Variants in NCOA7 observed in about 807,000 individuals in gnomAD.
NCOA7 encodes the protein nuclear receptor coactivator 7, also known as 140 kDa estrogen receptor-associated protein.
In NCOA7, 45 loss-of-function variants were observed where a neutral mutation model predicts 104.3. The observed-to-expected ratio is 0.43, with a 90% CI of 0.34 to 0.55. The LOEUF is 0.55. NCOA7 is among the 20% of genes least tolerant of loss of function. The pLI is 0.02. For synonymous variants in NCOA7, 398 were observed against 402.3 expected (o/e 0.99, Z 0.13); for missense variants, 1,041 against 1,119.7 (o/e 0.93, Z 1.00).
chr6:125,875,284 C>A (rs1184134352), intron 4 of NCOA7: 5 of 230,224 alleles, frequency 2.2e-5, no homozygotes, highest in African/African-American at 1.1e-4. Context: ...CCATGTGCAT[C>A]CCTCTGGAGC....
intron 2 of NCOA7, among the ~76,000 whole-genome samples, chr6:125,843,968 T>G (rs1270331494): frequency 1.3e-5 from 2 of 152,210 alleles, no homozygotes; most frequent in Non-Finnish European, 2.9e-5. Context: ...TGGGGGATGC[T>G]TATAAGGTTT....
rs1260974005 is a variant in NCOA7, at chr6:125,931,832, C to T, written c.*3061C>T. ...TGATTAGAACATGGGGGCGGTTTCC[C>T]CCATGCTGTTCTCATGATAGTGAGG... On this transcript the variant is annotated 3_prime_UTR_variant, in exon 16 of 16. Coordinates refer to ENST00000392477, the MANE Select transcript of NCOA7 (RefSeq NM_181782.5). 6.6e-6 allele frequency: 1 copy of T among 152,058 alleles called. No homozygotes were observed. The highest frequency in any genetic ancestry group is 1.5e-5 in the Non-Finnish European group (1 of 68,028). 9.4% of individuals were successfully genotyped at this position (152,058 alleles called of 1,614,324 possible). A position where few individuals can be genotyped will look rare whatever the true frequency, so the allele number is the denominator to read the frequency against.
chr6:125,844,192 T>C (rs996052374), intron 2 of NCOA7, among the ~76,000 whole-genome samples: 2 of 152,354 alleles, frequency 1.3e-5, no homozygotes, highest in East Asian at 3.9e-4. Context: ...GGTTGTTCTT[T>C]GAGGCTAGGG....
intron 8 of NCOA7, among the ~76,000 whole-genome samples, chr6:125,887,488 T>C (rs1287733663): frequency 6.6e-6 from 1 of 152,262 alleles, no homozygotes; most frequent in Non-Finnish European, 1.5e-5. Context: ...AGGGGCTCAA[T>C]GAATGCTTAT....
chr6:125,876,223 C>A (rs145387755), intron 4 of NCOA7, among the ~76,000 whole-genome samples: 1 of 152,162 alleles, frequency 6.6e-6, no homozygotes, highest in Non-Finnish European at 1.5e-5. Flanking sequence ...AATCTGCAAG[C>A]CTCTGTAGAG....
chr6:125,826,969 G>A (rs1219869397), intron 2 of NCOA7, among the ~76,000 whole-genome samples: 18 of 151,988 alleles, frequency 1.2e-4, no homozygotes, highest in African/African-American at 2.7e-4. Context: ...AGTCTCAGGC[G>A]GGCGGATCAC....
rs1783793308 is a variant in NCOA7, at chr6:125,881,163, T to A, written c.533T>A (p.Val178Asp). 5 of 1,613,876 alleles carry A rather than the reference T, an allele frequency of 3.1e-6. No homozygotes were observed. Among genetic ancestry groups the A allele is most frequent in the Non-Finnish European group, 4.2e-6 (5 of 1,179,896 alleles). ...RLSSSSPGAT[V>D]SPSSSDAEYD... is the part of the protein sequence containing the mutation. ...TCATCATCCAGTCCTGGTGCTACTG[T>A]CTCTCCTTCATCATCAGATGCAGAA... Residue 178 changes from valine to aspartate, a missense_variant, in exon 6 of 16, where the codon GTC becomes GAC. Val to Asp is a radical substitution (Grantham distance 152, BLOSUM62 -3). Coordinates refer to ENST00000392477, the MANE Select transcript of NCOA7 (RefSeq NM_181782.5).
chr6:125,878,992 T>A lies in NCOA7; in HGVS notation c.459+622T>A, dbSNP rs115850521. On this transcript the variant is annotated intron_variant, in intron 5 of 15. Coordinates refer to ENST00000392477, the MANE Select transcript of NCOA7 (RefSeq NM_181782.5). ...TTTGACATTTGGAATGTTCAGACAATTGAATCGCAATCTATGTTACCTAAT... is the reference window on the plus strand; with the variant it reads ...TTTGACATTTGGAATGTTCAGACAAATGAATCGCAATCTATGTTACCTAAT... 4.1e-3 allele frequency among the ~76,000 whole-genome samples: 622 copies of A among 152,300 alleles called. 7 individuals are homozygous for A. The highest frequency in any genetic ancestry group is 0.014 in the African/African-American group (602 of 41,574).
chr6:125,925,610 A>G (rs768926757), intron 13 of NCOA7, among the ~76,000 whole-genome samples: 5 of 152,256 alleles, frequency 3.3e-5, no homozygotes, highest in Non-Finnish European at 4.4e-5. Flanking sequence ...TTGTGGTACT[A>G]ATGTTATAAA....
chr6:125,889,541 T>C lies in NCOA7; in HGVS notation c.1487T>C (p.Val496Ala). The C allele has an allele frequency of 6.2e-7, 1 of 1,613,962 alleles. No individual in the cohort carries two copies. The highest frequency in any genetic ancestry group is 8.5e-7 in the Non-Finnish European group (1 of 1,179,946). The change falls in exon 9 of 16, where the codon GTG (valine) becomes GCG (alanine). Residue 496 changes from valine to alanine, a missense_variant. By Grantham distance (64) the Val-to-Ala change is moderately conservative (BLOSUM62 0). This residue lies in a region of NCOA7 where 914 missense variants were observed against 942.7 expected (regional missense o/e 0.97). Coordinates refer to ENST00000392477, the MANE Select transcript of NCOA7 (RefSeq NM_181782.5). ...TCEKQDIMPE[V>A]DKQSGSPESR... is the part of the protein sequence containing the mutation. ...GAGAAGCAAGATATAATGCCAGAAG[T>C]GGACAAGCAGTCTGGTTCGCCAGAA... is the stretch of plus-strand genomic sequence containing the variant.
chr6:125,928,657 A>G lies in NCOA7; in HGVS notation c.2715A>G (p.Leu905=). Reference sequence around the variant, plus strand: ...TCAGGGGACGATTTGGTTTATGGCTAGATGCTGATTTATACCACGGACGAA... The same window carrying G: ...TCAGGGGACGATTTGGTTTATGGCTGGATGCTGATTTATACCACGGACGAA... ...GGGGGRFGLW[L]DADLYHGRSN... Residue 905 remains leucine (L), a synonymous_variant, in exon 16 of 16, where the codon CTA becomes CTG. Coordinates refer to ENST00000392477, the MANE Select transcript of NCOA7 (RefSeq NM_181782.5). The G allele has an allele frequency of 6.2e-7, 1 of 1,608,532 alleles. No homozygotes were observed. The highest frequency in any genetic ancestry group is 1.4e-5 in the African/African-American group (1 of 73,972).
At chr6:125,882,399 G>T in intron 6 of NCOA7, 27 bp from the exon 7 acceptor site, 1 of 1,607,956 alleles carries the variant, frequency 6.2e-7, no homozygotes, top group South Asian at 1.1e-5. Flanking sequence ...GCTTTTATTT[G>T]ATTTTGAAAT....
At chr6:125,794,092 A>AC (rs983632234) in intron 1 of NCOA7, among the ~76,000 whole-genome samples, 3 of 151,756 alleles carry the variant, frequency 2.0e-5, no homozygotes, top group Non-Finnish European at 2.9e-5. Context: ...CATCCTTAAC[A>AC]CCCCCCCATA....
At chr6:125,825,443 A>G (rs1189852938) in intron 2 of NCOA7, among the ~76,000 whole-genome samples, 1 of 152,222 alleles carries the variant, frequency 6.6e-6, no homozygotes, top group Non-Finnish European at 1.5e-5. Context: ...ATTTGAGTGA[A>G]GTTATTAATC....
At chr6:125,900,167 T>C (rs1785378050) in intron 10 of NCOA7, 3 of 396,340 alleles carry the variant, frequency 7.6e-6, no homozygotes, top group Admixed American at 7.5e-5. Flanking sequence ...TAGGTGGGAA[T>C]GGGAACACAG....
At chr6:125,880,470 A>T (rs1783730749) in intron 5 of NCOA7, among the ~76,000 whole-genome samples, 1 of 151,842 alleles carries the variant, frequency 6.6e-6, no homozygotes, top group Non-Finnish European at 1.5e-5. Context: ...TGCCCAGAAT[A>T]CTTACCCACC....
At chr6:125,882,919 T>A (rs1324035033) in intron 7 of NCOA7, among the ~76,000 whole-genome samples, 1 of 152,204 alleles carries the variant, frequency 6.6e-6, no homozygotes, top group Non-Finnish European at 1.5e-5. Context: ...GCAAGGTATT[T>A]ACATGTCTTA....
Position 125,859,144 on chromosome 6 carries a change from A to G in NCOA7, c.271+3904A>G, listed in dbSNP as rs1781837683. Among the ~76,000 whole-genome samples, 4 of 152,154 alleles carry G rather than the reference A, an allele frequency of 2.6e-5. No individual in the cohort carries two copies. In the South Asian group the frequency reaches 8.3e-4, roughly 32 times the overall value. ...GTGATGAATCTGATATGAAGAAGGC[A>G]GGCTGTGCTGGTCTGAGACTAGGGC... On this transcript the variant is annotated intron_variant, in intron 3 of 15. Transcript: ENST00000392477.
intron 2 of NCOA7, among the ~76,000 whole-genome samples, chr6:125,853,532 A>G (rs1483309937): frequency 3.3e-5 from 5 of 152,202 alleles, no homozygotes; most frequent in African/African-American, 4.8e-5. Context: ...CTCTTATGCC[A>G]TATACTAATT....
Sources: gnomAD v4.1 joint callset for allele counts (sites outside exome capture counted in the v4.1 genomes callset) on GRCh38, gnomAD v4.1.1 for gene constraint, gnomAD v4.1.1 regional missense constraint, MANE v1.5 for transcripts, NCBI Gene and HGNC (gene_info 2026-07-23, HGNC 2026-07-21) for gene names.